Variants in PCBP3 observed in about 807,000 individuals in gnomAD.
PCBP3 encodes the protein poly(rC) binding protein 3.
PCBP3 carries 25 observed loss-of-function variants against 52.7 expected under a neutral mutation model. The observed-to-expected ratio is 0.47, with a 90% CI of 0.35 to 0.66. The LOEUF is 0.66. Among genes scored for constraint, PCBP3 ranks in the 30% least tolerant of loss-of-function variants. The probability of loss-of-function intolerance (pLI) is 0.01; values close to 1 mark genes in which losing one functional copy is unlikely to be tolerated. For missense variants in PCBP3, 391 were observed against 490.3 expected, an observed-to-expected ratio of 0.80 and a Z score of 1.91; for synonymous variants, 162 against 183.0, an observed-to-expected ratio of 0.89 and a Z score of 0.93.
chr21:45,724,445 C>T lies in PCBP3; in HGVS notation c.-199-10947C>T, dbSNP rs917786630. On this transcript the variant is annotated intron_variant, in intron 2 of 17. Transcript: ENST00000681687. This position sits in a 1 kb window ranked among gnomAD's most constrained non-coding sequence, Gnocchi z 5.3. ...TCTCTGCTTGTTCATCCTCTCCCAA[C>T]GGGGCAGCCCCAGAAGCCAACACTG... is the stretch of plus-strand genomic sequence containing the variant. Among the ~76,000 whole-genome samples the T allele has an allele frequency of 2.6e-5, 4 of 152,152 alleles. No individual in the cohort carries two copies. Among genetic ancestry groups the T allele is most frequent in the South Asian group, 2.1e-4 (1 of 4,814 alleles).
intron 5 of PCBP3, among the ~76,000 whole-genome samples, chr21:45,863,668 CTCA>C (rs1427390503): frequency 6.6e-6 from 1 of 152,234 alleles, no homozygotes; most frequent in Non-Finnish European, 1.5e-5. Context: ...CCGGTAGCAT[CTCA>C]TCTTGTCTAA....
At chr21:45,670,542 A>G (rs541680239) in intron 2 of PCBP3, among the ~76,000 whole-genome samples, 4 of 152,286 alleles carry the variant, frequency 2.6e-5, no homozygotes, top group African/African-American at 7.2e-5. Flanking sequence ...AGGTACTGCT[A>G]AGGTTCTTAA....
At chr21:45,940,662 G>C (rs999296295) in intron 17 of PCBP3, among the ~76,000 whole-genome samples, 5 of 152,030 alleles carry the variant, frequency 3.3e-5, no homozygotes, top group South Asian at 2.1e-4. Flanking sequence ...GCACATGGGA[G>C]GGTCTGAAGC....
intron 1 of PCBP3, among the ~76,000 whole-genome samples, chr21:45,645,823 A>T (rs1004748101): frequency 6.6e-6 from 1 of 152,184 alleles, no homozygotes; most frequent in Non-Finnish European, 1.5e-5. Context: ...ACTGAAACAG[A>T]TTTTAGTAGA....
chr21:45,658,859 T>A (rs1487274615), intron 1 of PCBP3, among the ~76,000 whole-genome samples: 1 of 152,176 alleles, frequency 6.6e-6, no homozygotes, highest in Non-Finnish European at 1.5e-5. Context: ...TTAGGTTTTT[T>A]TCAGATGTAC....
At position 45,889,703 on chromosome 21, in the gene PCBP3, T is replaced by C. The variant is rs551493020; in HGVS notation, c.11-6505T>C. On this transcript the variant is annotated intron_variant, in intron 5 of 17. Coordinates refer to ENST00000681687, the MANE Select transcript of PCBP3 (RefSeq NM_001384156.1). ...CTGAGTCTCCCTGCCATGGCTCTTG[T>C]GGCAGTACATTGCGGTGGCTACAGA... Among the ~76,000 whole-genome samples the C allele has an allele frequency of 2.0e-5, 3 of 152,332 alleles. No individual in the cohort carries two copies. The South Asian group carries it at 6.2e-4, about 32-fold the overall frequency.
At chr21:45,679,071 T>G (rs145389134) in intron 2 of PCBP3, among the ~76,000 whole-genome samples, 2,144 of 143,360 alleles carry the variant, frequency 0.015, 47 homozygotes, top group African/African-American at 0.053. Flanking sequence ...CTCAGATGAT[T>G]GTTAGCATTT....
At chr21:45,935,710 T>C (rs1041534970) in intron 16 of PCBP3, among the ~76,000 whole-genome samples, 1 of 152,122 alleles carries the variant, frequency 6.6e-6, no homozygotes, top group African/African-American at 2.4e-5. Flanking sequence ...CCTCAGGAGG[T>C]TTGGGATTCT....
chr21:45,762,481 C>CTTCTCTTTTTTTTTTTT (rs1440812461), intron 4 of PCBP3: 1 of 106,006 alleles, frequency 9.4e-6, no homozygotes, highest in Admixed American at 1.0e-4. Flanking sequence ...TTTTTCTTTT[C>CTTCTCTTTTTTTTTTTT]TTTTCTTCTC....
At chr21:45,850,885 AG>A (rs888316374) in intron 5 of PCBP3, among the ~76,000 whole-genome samples, 3 of 152,258 alleles carry the variant, frequency 2.0e-5, no homozygotes, top group African/African-American at 7.2e-5. Flanking sequence ...TTAATAGTAA[AG>A]GAATAGCTTA....
chr21:45,766,929 A>G (rs923081578), intron 4 of PCBP3, among the ~76,000 whole-genome samples: 12 of 152,238 alleles, frequency 7.9e-5, no homozygotes, highest in Non-Finnish European at 1.5e-4. Context: ...TGGTATCATT[A>G]CAGTCTGTCA....
chr21:45,689,754 T>C (rs747880883), intron 2 of PCBP3, among the ~76,000 whole-genome samples: 4 of 152,002 alleles, frequency 2.6e-5, no homozygotes, highest in African/African-American at 7.2e-5. Context: ...ATGAAAAAAA[T>C]TATAAACTGC....
intron 9 of PCBP3, among the ~76,000 whole-genome samples, chr21:45,908,125 C>A (rs765650766): frequency 6.6e-6 from 1 of 152,158 alleles, no homozygotes; most frequent in Non-Finnish European, 1.5e-5. Context: ...AATGTTCCCC[C>A]AGGGCAGCCA....
intron 4 of PCBP3, 42 bp from the exon 5 acceptor site, chr21:45,849,919 T>C (rs1331838387): frequency 3.0e-6 from 2 of 668,850 alleles, no homozygotes; most frequent in African/African-American, 1.8e-5. Flanking sequence ...GGAGAGGCCC[T>C]GCACTGGTGC....
At chr21:45,691,342 A>G (rs755905675) in intron 2 of PCBP3, among the ~76,000 whole-genome samples, 6 of 148,992 alleles carry the variant, frequency 4.0e-5, no homozygotes, top group African/African-American at 7.4e-5. Context: ...GGGGTACCAG[A>G]GCCTTTTGGG....
chr21:45,906,118 T>C (rs1434329515), intron 9 of PCBP3, among the ~76,000 whole-genome samples: 2 of 152,158 alleles, frequency 1.3e-5, no homozygotes, highest in East Asian at 3.9e-4. Flanking sequence ...CTGTCCAAGT[T>C]CATCATTGTC....
intron 2 of PCBP3, among the ~76,000 whole-genome samples, chr21:45,705,236 G>A (rs1324823371): frequency 1.3e-5 from 2 of 152,174 alleles, no homozygotes; most frequent in Non-Finnish European, 2.9e-5. Context: ...AGCCACTGAG[G>A]CCAAGTGAGG....
chr21:45,709,571 T>C (rs1237677061), intron 2 of PCBP3, among the ~76,000 whole-genome samples: 4 of 152,094 alleles, frequency 2.6e-5, no homozygotes, highest in African/African-American at 9.7e-5. Context: ...TTTCTTTAAT[T>C]GCTATTTCTT....
intron 7 of PCBP3, 29 bp downstream of exon 7, chr21:45,899,651 C>T: frequency 6.3e-7 from 1 of 1,578,860 alleles, no homozygotes; most frequent in Non-Finnish European, 8.7e-7. Flanking sequence ...TCTGCCTCTC[C>T]TGGGGTCTCT....
Sources: gnomAD v4.1 joint callset for allele counts (sites outside exome capture counted in the v4.1 genomes callset) on GRCh38, gnomAD v4.1.1 for gene constraint, Gnocchi (gnomAD v3.1) non-coding constraint, MANE v1.5 for transcripts, NCBI Gene and HGNC (gene_info 2026-07-23, HGNC 2026-07-21) for gene names.